The following SVEP1 variants were observed in gnomAD, a reference collection of about 807,000 sequenced individuals.
The protein encoded by SVEP1 is sushi, von Willebrand factor type A, EGF and pentraxin domain-containing protein 1.
A neutral mutation model predicts 367.3 loss-of-function variants in SVEP1; 164 were observed. The ratio of observed to expected loss-of-function variants is 0.45; its 90% CI spans 0.39 to 0.51. The LOEUF (loss-of-function observed/expected upper bound fraction) is 0.51. Among genes scored for constraint, SVEP1 ranks in the 20% least tolerant of loss-of-function variants. SVEP1 has a pLI of 0.00. For synonymous variants in SVEP1, 1,666 were observed against 1,611.6 expected (o/e 1.03, Z -0.81); for missense variants, 4,117 against 4,425.3 (o/e 0.93, Z 1.98).
intron 42 of SVEP1, 143 bp downstream of exon 42, chr9:110,387,142 A>G: frequency 1.3e-6 from 1 of 762,468 alleles, no homozygotes. Flanking sequence ...AAAATATCCC[A>G]GAGAATTCAG....
At chr9:110,427,185 C>T (rs561083261) in intron 36 of SVEP1, among the ~76,000 whole-genome samples, 145 of 151,170 alleles carry the variant, frequency 9.6e-4, no homozygotes, top group African/African-American at 3.4e-3. Flanking sequence ...GTAGTCCCAG[C>T]TACTTGGGAG....
rs1201852223 is a variant in SVEP1 at position 110,546,200 on chromosome 9, G to A, written c.879C>T (p.Ser293=). The change falls in exon 3 of 48, where the codon AGC becomes AGT. Residue 293 remains serine (S), a synonymous_variant. Coordinates refer to ENST00000374469, the MANE Select transcript of SVEP1 (RefSeq NM_153366.4). ...EGKDCCDRMG[S]CKCGTHTGHF... ...GGCCTGTGTGTGTCCCACATTTGCA[G>A]CTTCCCATTCGGTCACAGCAGTCCT... 5.7e-6 allele frequency: 9 copies of A among 1,572,496 alleles called. No individual in the cohort carries two copies. The Admixed American group carries it at 1.5e-4, about 26-fold the overall frequency.
At chr9:110,559,067 T>C (rs1210012167) in intron 1 of SVEP1, among the ~76,000 whole-genome samples, 1 of 152,108 alleles carries the variant, frequency 6.6e-6, no homozygotes, top group Non-Finnish European at 1.5e-5. Flanking sequence ...ATAGATTATC[T>C]ATCTCAAAAC....
chr9:110,411,822 C>G, intron 36 of SVEP1, 87 bp from the exon 37 acceptor site: 11 of 1,212,248 alleles, frequency 9.1e-6, no homozygotes, highest in Non-Finnish European at 1.1e-5. Flanking sequence ...TAAATCTTTC[C>G]CACAATGACT....
chr9:110,517,839 C>T (rs7027107), intron 3 of SVEP1, among the ~76,000 whole-genome samples: 13,916 of 144,448 alleles, frequency 0.096, 720 homozygotes, highest in African/African-American at 0.13. Context: ...AAAAAAGGTA[C>T]TTAATTAATA....
chr9:110,411,331 A>G lies in SVEP1; in HGVS notation c.6380T>C (p.Met2127Thr), dbSNP rs1286386684. The G allele has an allele frequency of 5.6e-6, 9 of 1,613,928 alleles. No homozygotes were observed. Among genetic ancestry groups the G allele is most frequent in the Non-Finnish European group, 7.6e-6 (9 of 1,179,906 alleles). Residue 2127 changes from methionine to threonine, a missense_variant, in exon 37 of 48, where the codon ATG becomes ACG. Met to Thr is a moderately conservative substitution (Grantham distance 81). This residue lies in a region of SVEP1 where 1,765 missense variants were observed against 1,781.1 expected (regional missense o/e 0.99). Transcript: ENST00000374469. ...VLNTSAKIECMRGGQWNPSPM... is the reference protein window; with the variant it reads ...VLNTSAKIECTRGGQWNPSPM... The stretch of plus-strand genomic sequence containing the variant: ...GGAAGGGTTCCACTGCCCACCTCTC[A>G]TACATTCAATCTTTGCTGAGGTGTT...
chr9:110,494,561 AC>A (rs1829417412), intron 8 of SVEP1, among the ~76,000 whole-genome samples: 1 of 152,230 alleles, frequency 6.6e-6, no homozygotes, highest in South Asian at 2.1e-4. Flanking sequence ...TTTTGATTGC[AC>A]TGTACATATA....
At chr9:110,444,093 C>T (rs1564144469) in intron 26 of SVEP1, among the ~76,000 whole-genome samples, 1 of 152,132 alleles carries the variant, frequency 6.6e-6, no homozygotes, top group African/African-American at 2.4e-5. Context: ...ATCCTTCTTC[C>T]AGAATGTAAG....
At chr9:110,570,467 C>CGTGTGTGTGTGTGTGTGTGTGTGT in intron 1 of SVEP1, among the ~76,000 whole-genome samples, 3 of 146,940 alleles carry the variant, frequency 2.0e-5, no homozygotes, top group South Asian at 2.2e-4. Context: ...GTTTCTGTTG[C>CGTGTGTGTGTGTGTGTGTGTGTGT]GTGTGTGTGT....
At chr9:110,403,296 GTTTTT>G (rs71371665) in intron 39 of SVEP1, among the ~76,000 whole-genome samples, 10 of 43,462 alleles carry the variant, frequency 2.3e-4, no homozygotes, top group South Asian at 1.4e-3. Context: ...CGCCACCGCC[GTTTTT>G]TTTTTTTTTT....
intron 13 of SVEP1, 48 bp downstream of exon 13, chr9:110,479,587 T>A: frequency 6.4e-7 from 1 of 1,551,746 alleles, no homozygotes. Flanking sequence ...AGAAAGGTTA[T>A]GAAAGCCTTA....
chr9:110,432,700 G>A (rs1564141239), intron 30 of SVEP1, 65 bp from the exon 31 acceptor site: 4 of 1,514,888 alleles, frequency 2.6e-6, no homozygotes, highest in Non-Finnish European at 3.6e-6. Context: ...CACTTTATTT[G>A]TATTAAACTA....
chr9:110,392,133 T>TTATATATATATATATATATATA lies in SVEP1; in HGVS notation c.9823-2547_9823-2546insTATATATATATATATATATATA, dbSNP rs35109985. On this transcript the variant is annotated intron_variant, in intron 40 of 47. Transcript: ENST00000374469. ...CATTAACTTGTGACCCAATTCCTCA[T>TTATATATATATATATATATATA]TATATATATATATATATATATCTCT... Among the ~76,000 whole-genome samples the TTATATATATATATATATATATA allele has an allele frequency of 7.1e-3, 707 of 98,928 alleles. 2 individuals are homozygous for TTATATATATATATATATATATA. The highest frequency in any genetic ancestry group is 0.011 in the Middle Eastern group (2 of 180). 64.9% of individuals were successfully genotyped at this position (98,928 alleles called of 152,430 possible).
chr9:110,463,484 CAAAAT>C (rs1314315549), intron 18 of SVEP1, among the ~76,000 whole-genome samples: 1 of 146,018 alleles, frequency 6.8e-6, no homozygotes, highest in Non-Finnish European at 1.5e-5. Flanking sequence ...TGTCTTAGCA[CAAAAT>C]AAAACAGTAC....
chr9:110,383,656 G>A (rs1045950768), intron 43 of SVEP1, among the ~76,000 whole-genome samples: 1 of 152,222 alleles, frequency 6.6e-6, no homozygotes, highest in Non-Finnish European at 1.5e-5. Flanking sequence ...GTGCTGTGGG[G>A]AATCCCACTA....
chr9:110,571,859 G>A (rs1019362902), intron 1 of SVEP1, among the ~76,000 whole-genome samples: 3 of 152,164 alleles, frequency 2.0e-5, no homozygotes, highest in Admixed American at 6.5e-5. Flanking sequence ...TTTGCTAAGA[G>A]TAAGCCAAAA....
chr9:110,528,730 T>A (rs1396951092), intron 3 of SVEP1, among the ~76,000 whole-genome samples: 4 of 152,022 alleles, frequency 2.6e-5, no homozygotes, highest in Non-Finnish European at 5.9e-5. Flanking sequence ...GTCCATAGTT[T>A]GCAAATATTT....
intron 18 of SVEP1, among the ~76,000 whole-genome samples, chr9:110,462,262 C>G (rs925921661): frequency 6.6e-6 from 1 of 151,966 alleles, no homozygotes; most frequent in Non-Finnish European, 1.5e-5. Flanking sequence ...AAAATACTAA[C>G]ATTAAAAATA....
intron 3 of SVEP1, among the ~76,000 whole-genome samples, chr9:110,542,827 A>AG (rs1423202391): frequency 1.6e-5 from 1 of 63,154 alleles, no homozygotes; most frequent in Admixed American, 1.8e-4. Flanking sequence ...TCTTTTGGGG[A>AG]GGGGGGAGGG....
Sources: gnomAD v4.1 joint callset for allele counts (sites outside exome capture counted in the v4.1 genomes callset) on GRCh38, gnomAD v4.1.1 for gene constraint, gnomAD v4.1.1 regional missense constraint, MANE v1.5 for transcripts, NCBI Gene and HGNC (gene_info 2026-07-23, HGNC 2026-07-21) for gene names.